Variants in ADGRL3 observed in about 807,000 individuals in gnomAD.
The protein encoded by ADGRL3 is adhesion G protein-coupled receptor L3, also known as calcium-independent alpha-latrotoxin receptor 3.
A neutral mutation model predicts 153.5 loss-of-function variants in ADGRL3; 62 were observed. The observed-to-expected ratio is 0.40, with a 90% confidence interval of 0.33 to 0.50. The LOEUF (loss-of-function observed/expected upper bound fraction) is 0.50, where lower values mean the gene tolerates loss of function less well. Among genes scored for constraint, ADGRL3 ranks in the 20% least tolerant of loss-of-function variants. The probability of loss-of-function intolerance (pLI) is 0.47; values close to 1 mark genes in which losing one functional copy is unlikely to be tolerated. For missense variants in ADGRL3, 1,641 were observed against 1,859.4 expected (o/e 0.88, Z 2.16); for synonymous variants, 710 against 672.5 (o/e 1.06, Z -0.86).
intron 4 of ADGRL3, among the ~76,000 whole-genome samples, chr4:61,577,021 TC>T (rs2098889401): frequency 6.6e-6 from 1 of 151,932 alleles, no homozygotes; most frequent in African/African-American, 2.4e-5. Context: ...TATTACAAGG[TC>T]TCTGTTGTGG....
chr4:61,456,489 A>C (rs544526099), intron 2 of ADGRL3, among the ~76,000 whole-genome samples: 11 of 134,254 alleles, frequency 8.2e-5, no homozygotes, highest in African/African-American at 3.1e-4. Context: ...ATATATATAG[A>C]TATATCTATA....
chr4:61,392,390 GAA>G, intron 2 of ADGRL3, among the ~76,000 whole-genome samples: 1 of 151,524 alleles, frequency 6.6e-6, no homozygotes, highest in South Asian at 2.1e-4. Context: ...TTTTTACATA[GAA>G]AAGAGTCTCA....
intron 1 of ADGRL3, among the ~76,000 whole-genome samples, chr4:61,226,098 C>T (rs1190284113): frequency 2.0e-5 from 3 of 152,074 alleles, no homozygotes; most frequent in Non-Finnish European, 4.4e-5. Context: ...ACCTGAGTCA[C>T]TTTGCCCAAC....
At chr4:61,442,724 T>C (rs2152476485) in intron 2 of ADGRL3, among the ~76,000 whole-genome samples, 1 of 152,276 alleles carries the variant, frequency 6.6e-6, no homozygotes, top group South Asian at 2.1e-4. Context: ...AGAGCAAGTA[T>C]AATGAGTTGG....
chr4:61,540,547 C>CA (rs1271042648), intron 4 of ADGRL3, among the ~76,000 whole-genome samples: 2,880 of 131,172 alleles, frequency 0.022, 92 homozygotes, highest in African/African-American at 0.077. Context: ...GACTCTGTCT[C>CA]AACAAAAAAA....
chr4:61,324,383 G>A (rs1158324002), intron 1 of ADGRL3, among the ~76,000 whole-genome samples: 1 of 151,862 alleles, frequency 6.6e-6, no homozygotes, highest in African/African-American at 2.4e-5. Context: ...AGATTAATAA[G>A]CATGTTAAAA....
intron 9 of ADGRL3, among the ~76,000 whole-genome samples, chr4:61,891,177 G>A (rs2098581527): frequency 6.6e-6 from 1 of 150,530 alleles, no homozygotes; most frequent in Admixed American, 6.7e-5. Context: ...TTGATGATGG[G>A]GAGCTGAACG....
chr4:61,771,811 A>G (rs1317762662), intron 8 of ADGRL3, among the ~76,000 whole-genome samples: 1 of 152,224 alleles, frequency 6.6e-6, no homozygotes, highest in Non-Finnish European at 1.5e-5. Flanking sequence ...CACAGATACA[A>G]GAGACTTCCC....
intron 4 of ADGRL3, among the ~76,000 whole-genome samples, chr4:61,550,241 T>G (rs2098734033): frequency 6.6e-6 from 1 of 150,924 alleles, no homozygotes; most frequent in Non-Finnish European, 1.5e-5. Flanking sequence ...GGGATCCAGT[T>G]GAGGTCAAGA....
rs1468122912 is a variant in ADGRL3, at chr4:61,201,502, TTCCTTCCCCTTTC to T, written c.-499_-487del. On this transcript the variant is annotated 5_prime_UTR_variant, in exon 1 of 27. Coordinates refer to ENST00000683033, the MANE Select transcript of ADGRL3 (RefSeq NM_001387552.1). ...GGAAGGCGAACATTTGGCTCTCTTT[TTCCTTCCCCTTTC>T]TCCGTGGCTGTGTAGCGGAAGAAAG... is the stretch of plus-strand genomic sequence containing the variant. The T allele has an allele frequency of 6.6e-6, 1 of 152,250 alleles. No homozygotes were observed. The highest frequency in any genetic ancestry group is 1.5e-5 in the Non-Finnish European group (1 of 68,086). 9.4% of individuals were successfully genotyped at this position (152,250 alleles called of 1,614,324 possible).
chr4:61,436,603 A>C (rs546398176), intron 2 of ADGRL3, among the ~76,000 whole-genome samples: 1 of 152,294 alleles, frequency 6.6e-6, no homozygotes, highest in South Asian at 2.1e-4. Flanking sequence ...TCATAGAGGA[A>C]AGAAGTAAAT....
At chr4:62,060,123 C>G (rs1739267881) in intron 25 of ADGRL3, among the ~76,000 whole-genome samples, 1 of 151,990 alleles carries the variant, frequency 6.6e-6, no homozygotes, top group Non-Finnish European at 1.5e-5. Context: ...GTTGAGTCAT[C>G]TGCTTCTTCC....
At chr4:62,053,722 C>T (rs529042627) in intron 25 of ADGRL3, among the ~76,000 whole-genome samples, 6 of 151,652 alleles carry the variant, frequency 4.0e-5, no homozygotes, top group East Asian at 3.9e-4. Context: ...TCTTTATTCA[C>T]GGATACCTTA....
chr4:61,968,693 G>A (rs751705128), intron 17 of ADGRL3, among the ~76,000 whole-genome samples: 2 of 152,044 alleles, frequency 1.3e-5, no homozygotes, highest in African/African-American at 2.4e-5. Context: ...TTATAAAACC[G>A]CAATATCATA....
chr4:61,334,908 A>AC (rs1391211202), intron 1 of ADGRL3, among the ~76,000 whole-genome samples: 6 of 152,122 alleles, frequency 3.9e-5, no homozygotes, highest in African/African-American at 7.2e-5. Flanking sequence ...GTTGTATCTT[A>AC]CCATGATGTT....
chr4:61,439,447 T>A (rs906562606), intron 2 of ADGRL3, among the ~76,000 whole-genome samples: 4 of 152,196 alleles, frequency 2.6e-5, no homozygotes, highest in African/African-American at 9.7e-5. Context: ...GTAAATGTTG[T>A]ATTGTCTGAT....
intron 5 of ADGRL3, among the ~76,000 whole-genome samples, chr4:61,608,688 GTTTTC>G (rs904218562): frequency 6.6e-5 from 10 of 152,022 alleles, no homozygotes; most frequent in African/African-American, 1.9e-4. Flanking sequence ...ATATGTCTCT[GTTTTC>G]TTTTTTGGGA....
chr4:61,886,569 A>G (rs952340948), intron 9 of ADGRL3, among the ~76,000 whole-genome samples: 1 of 150,328 alleles, frequency 6.7e-6, no homozygotes, highest in Non-Finnish European at 1.5e-5. Flanking sequence ...AAAGAAAATT[A>G]ATACATTTTA....
Position 61,496,941 on chromosome 4 carries a change from A to T in ADGRL3, c.-173-180A>T, listed in dbSNP as rs369117531. 6.6e-3 allele frequency among the ~76,000 whole-genome samples: 17 copies of T among 2,568 alleles called. No homozygotes were observed. The South Asian group carries it at 0.47, about 71-fold the overall frequency. The allele number at this position is 2,568 out of a possible 152,430, so 1.7% of individuals were successfully genotyped here. On this transcript the variant is annotated intron_variant, in intron 2 of 26. Transcript: ENST00000683033. ...GGGCGACAGAGCGAGACTCCATCTTAAAAAAAAAAAAAAAATCAGTATATT... is the reference window on the plus strand; with the variant it reads ...GGGCGACAGAGCGAGACTCCATCTTTAAAAAAAAAAAAAAATCAGTATATT...
Sources: allele counts gnomAD v4.1 joint callset (sites outside exome capture counted in the v4.1 genomes callset), GRCh38; gene constraint gnomAD v4.1.1; transcripts MANE v1.5; gene names NCBI Gene and HGNC (gene_info 2026-07-23, HGNC 2026-07-21).